Variants in PLCH1 observed in about 807,000 individuals in gnomAD.
The protein encoded by PLCH1 is phospholipase C eta 1.
In PLCH1, 60 loss-of-function variants were observed where a neutral mutation model predicts 126.7. That is an observed-to-expected ratio of 0.47 (90% CI 0.38 to 0.59). The LOEUF is 0.59. Among genes scored for constraint, PLCH1 ranks in the 20% least tolerant of loss-of-function variants. The probability of loss-of-function intolerance (pLI) is 0.00; values close to 1 mark genes in which losing one functional copy is unlikely to be tolerated. For synonymous variants in PLCH1, 719 were observed against 734.9 expected (o/e 0.98, Z 0.35); for missense variants, 1,723 against 2,040.0 (o/e 0.84, Z 2.99).
intron 2 of PLCH1, among the ~76,000 whole-genome samples, chr3:155,618,806 T>C (rs1488200386): frequency 2.0e-5 from 3 of 152,118 alleles, no homozygotes; most frequent in Non-Finnish European, 2.9e-5. Flanking sequence ...GCTGAACAAT[T>C]GCTTTACAGC....
At chr3:155,591,145 A>G (rs1456465692) in intron 4 of PLCH1, among the ~76,000 whole-genome samples, 1 of 152,220 alleles carries the variant, frequency 6.6e-6, no homozygotes, top group African/African-American at 2.4e-5. Context: ...AGAGACTTCT[A>G]TAAGTGACTT....
chr3:155,625,675 A>G (rs990422696), intron 2 of PLCH1, among the ~76,000 whole-genome samples: 2 of 152,250 alleles, frequency 1.3e-5, no homozygotes, highest in African/African-American at 4.8e-5. Context: ...CCACAATGGG[A>G]TACCATCTCA....
chr3:155,489,753 C>T (rs935809725), intron 19 of PLCH1, among the ~76,000 whole-genome samples: 1 of 152,184 alleles, frequency 6.6e-6, no homozygotes, highest in South Asian at 2.1e-4. Context: ...GTTAAAAATT[C>T]AAGTACTCCA....
intron 14 of PLCH1, among the ~76,000 whole-genome samples, chr3:155,499,443 A>G (rs941421383): frequency 6.6e-6 from 1 of 152,256 alleles, no homozygotes; most frequent in African/African-American, 2.4e-5. Context: ...CCTAGAAATT[A>G]TAAGTAAAAC....
chr3:155,713,470 C>T (rs1053743893), intron 1 of PLCH1, among the ~76,000 whole-genome samples: 3 of 152,170 alleles, frequency 2.0e-5, no homozygotes, highest in African/African-American at 7.2e-5. Context: ...ACCAAGTTTA[C>T]TTGCAAGATA....
chr3:155,631,992 T>C (rs1000531290), intron 2 of PLCH1, among the ~76,000 whole-genome samples: 51 of 151,852 alleles, frequency 3.4e-4, no homozygotes, highest in Admixed American at 3.0e-3. Context: ...TTCTGTGTGA[T>C]CTGTATGCAT....
chr3:155,523,757 C>T (rs1576904673), intron 11 of PLCH1, 140 bp downstream of exon 11: 2 of 562,272 alleles, frequency 3.6e-6, no homozygotes, highest in East Asian at 6.3e-5. Flanking sequence ...TATGTGCCAG[C>T]AAATAAAGTA....
intron 4 of PLCH1, among the ~76,000 whole-genome samples, chr3:155,590,003 C>T (rs1731901072): frequency 6.6e-6 from 1 of 152,160 alleles, no homozygotes; most frequent in Admixed American, 6.5e-5. Context: ...GGACCGCAGG[C>T]AGTGCAGCAC....
In PLCH1 at chr3:155,482,185, C is replaced by G; in HGVS notation, c.3841G>C (p.Asp1281His). 6.2e-7 allele frequency: 1 copy of G among 1,614,178 alleles called. No individual in the cohort carries two copies. The highest frequency in any genetic ancestry group is 8.5e-7 in the Non-Finnish European group (1 of 1,180,022). The part of the protein sequence containing the change: ...CTPISKTKPD[D>H]DLSSKAKTAA... ...GTCTTGGCCTTACTAGAAAGGTCAT[C>G]ATCTGGTTTGGTTTTAGAGATGGGA... Residue 1281 changes from aspartate to histidine, a missense_variant, in exon 23 of 23, where the codon GAT (aspartate) becomes CAT (histidine). By Grantham distance (81) the Asp-to-His change is moderately conservative. Transcript: ENST00000460012.
chr3:155,729,642 G>C (rs1441668201), intron 1 of PLCH1, among the ~76,000 whole-genome samples: 1 of 152,090 alleles, frequency 6.6e-6, no homozygotes, highest in East Asian at 1.9e-4. Context: ...AAGGAAATTG[G>C]GCCAGGCACA....
chr3:155,547,968 A>G (rs1725602349), intron 10 of PLCH1, among the ~76,000 whole-genome samples: 1 of 151,862 alleles, frequency 6.6e-6, no homozygotes, highest in Non-Finnish European at 1.5e-5. Context: ...GCAGCACACC[A>G]GCATGGCACA....
Position 155,704,157 on chromosome 3 carries a change from C to G in PLCH1, c.68G>C (p.Ser23Thr). The G allele has an allele frequency of 8.2e-7, 1 of 1,219,708 alleles. No homozygotes were observed. Among genetic ancestry groups the G allele is most frequent in the East Asian group, 3.2e-5 (1 of 31,654 alleles). 75.6% of individuals were successfully genotyped at this position (1,219,708 alleles called of 1,614,324 possible). The change falls in exon 2 of 23, where the codon AGT (serine) becomes ACT (threonine). Residue 23 changes from serine (S) to threonine (T), a missense_variant. This residue lies in a region of PLCH1 where 776 missense variants were observed against 1,062.9 expected (regional missense o/e 0.73). Transcript: ENST00000460012. The stretch of plus-strand genomic sequence containing the variant: ...AAGAGACAGCTTACCATGAAACACA[C>G]TGTTGTCCACCAGAAAATGCCTGCG... ...QYRRHFLVDNSVFHVERCMSV... is the reference protein window; with the variant it reads ...QYRRHFLVDNTVFHVERCMSV...
intron 2 of PLCH1, among the ~76,000 whole-genome samples, chr3:155,626,694 G>A (rs1001610588): frequency 2.8e-5 from 4 of 144,998 alleles, no homozygotes; most frequent in Admixed American, 7.1e-5. Flanking sequence ...GCATGAACCC[G>A]GGAGGCAGAG....
chr3:155,471,461 C>A (rs1473261366), intron 21 of PLCH1, among the ~76,000 whole-genome samples: 3 of 147,316 alleles, frequency 2.0e-5, no homozygotes, highest in African/African-American at 7.5e-5. Context: ...GACTTAGACT[C>A]CCACACATTA....
At chr3:155,648,438 G>A (rs1194228083) in intron 2 of PLCH1, among the ~76,000 whole-genome samples, 2 of 152,058 alleles carry the variant, frequency 1.3e-5, no homozygotes, top group Admixed American at 6.5e-5. Context: ...CGTCCTCCCT[G>A]GAAAAAAGAC....
chr3:155,662,372 G>A (rs541981558), intron 2 of PLCH1, among the ~76,000 whole-genome samples: 20 of 152,100 alleles, frequency 1.3e-4, no homozygotes, highest in Non-Finnish European at 2.8e-4. Flanking sequence ...GGTGGCTGAA[G>A]TAGGAGAATA....
At chr3:155,630,839 T>A (rs1174639241) in intron 2 of PLCH1, among the ~76,000 whole-genome samples, 2 of 152,196 alleles carry the variant, frequency 1.3e-5, no homozygotes, top group East Asian at 3.8e-4. Flanking sequence ...ATACAGTTTT[T>A]AAAAACTTCT....
At chr3:155,676,330 G>A (rs1389928564) in intron 2 of PLCH1, 3 of 1,091,550 alleles carry the variant, frequency 2.7e-6, no homozygotes, top group African/African-American at 3.3e-5. Flanking sequence ...CGGGGCTGCC[G>A]CTATTGTGGG....
At chr3:155,517,080 G>A (rs548902185) in intron 11 of PLCH1, among the ~76,000 whole-genome samples, 22 of 152,266 alleles carry the variant, frequency 1.4e-4, no homozygotes, top group Non-Finnish European at 2.5e-4. Flanking sequence ...GCCAAACTGG[G>A]AGGATCGCTT....
Sources: gnomAD v4.1 joint callset for allele counts (sites outside exome capture counted in the v4.1 genomes callset) on GRCh38, gnomAD v4.1.1 for gene constraint, gnomAD v4.1.1 regional missense constraint, MANE v1.5 for transcripts, NCBI Gene and HGNC (gene_info 2026-07-23, HGNC 2026-07-21) for gene names.